The following JPH3 variants were observed in gnomAD, a reference collection of about 807,000 sequenced individuals.
The protein encoded by JPH3 is junctophilin-3.
JPH3 carries 11 observed loss-of-function variants against 59.6 expected under a neutral mutation model. That is an observed-to-expected ratio of 0.18 (90% confidence interval 0.12 to 0.31). JPH3 has a LOEUF of 0.31. Among genes scored for constraint, JPH3 ranks in the 10% least tolerant of loss-of-function variants. JPH3 has a pLI of 1.00. For missense variants in JPH3, 1,202 were observed against 1,105.7 expected (o/e 1.09, Z -1.24); for synonymous variants, 673 against 483.6 (o/e 1.39, Z -5.14).
intron 1 of JPH3, among the ~76,000 whole-genome samples, chr16:87,625,591 C>T (rs1399863002): frequency 6.6e-6 from 1 of 152,086 alleles, no homozygotes; most frequent in Non-Finnish European, 1.5e-5. Context: ...GAGGACTGGC[C>T]CCACCTGTTG....
chr16:87,602,899 A>T lies in JPH3; in HGVS notation c.-248A>T. On this transcript the variant is annotated 5_prime_UTR_variant, in exon 1 of 5. Transcript: ENST00000284262. Reference sequence around the variant, plus strand: ...CCCCCTCCCCTCCGGTCCTGTCTCCAGCGGGAGCGCGAGACGCTGGTCAGG... The same window carrying T: ...CCCCCTCCCCTCCGGTCCTGTCTCCTGCGGGAGCGCGAGACGCTGGTCAGG... 5.1e-6 allele frequency: 1 copy of T among 196,698 alleles called. No individual in the cohort carries two copies. The highest frequency in any genetic ancestry group is 8.8e-6 in the Non-Finnish European group (1 of 113,470). The allele number at this position is 196,698 out of a possible 1,614,324, so 12.2% of individuals were successfully genotyped here.
chr16:87,696,131 C>T (rs1406396817), intron 4 of JPH3: 1 of 458,402 alleles, frequency 2.2e-6, no homozygotes, highest in Non-Finnish European at 4.4e-6. Context: ...GGCCTCTCTG[C>T]TGGGCTGCAT....
At chr16:87,686,739 C>T (rs758647938) in intron 3 of JPH3, among the ~76,000 whole-genome samples, 1 of 152,208 alleles carries the variant, frequency 6.6e-6, no homozygotes, top group African/African-American at 2.4e-5. Context: ...TCCTGGAGGG[C>T]TCAGGTCCCT....
At chr16:87,604,968 A>G (rs754799826) in intron 1 of JPH3, 9 of 454,086 alleles carry the variant, frequency 2.0e-5, no homozygotes, top group Admixed American at 7.1e-5. Context: ...CCTTGGTTCC[A>G]GGCTGTGGGC....
chr16:87,629,777 C>T (rs1175260987), intron 1 of JPH3, among the ~76,000 whole-genome samples: 1 of 152,064 alleles, frequency 6.6e-6, no homozygotes, highest in Non-Finnish European at 1.5e-5. Context: ...TGTCCGGATG[C>T]CTTTGTGCAC....
intron 2 of JPH3, among the ~76,000 whole-genome samples, chr16:87,658,361 C>T (rs1224197401): frequency 3.3e-5 from 5 of 151,880 alleles, no homozygotes; most frequent in Admixed American, 1.3e-4. Context: ...TCCTTCTCCC[C>T]GCTTCTCCCC....
At chr16:87,628,969 A>G (rs1473098022) in intron 1 of JPH3, among the ~76,000 whole-genome samples, 2 of 152,066 alleles carry the variant, frequency 1.3e-5, no homozygotes, top group Admixed American at 1.3e-4. Flanking sequence ...AGCCAGAGTT[A>G]CTGGGTGTGG....
chr16:87,682,298 T>C (rs967772199), intron 2 of JPH3, among the ~76,000 whole-genome samples: 4 of 152,150 alleles, frequency 2.6e-5, no homozygotes, highest in African/African-American at 7.2e-5. Flanking sequence ...ATGAACAGTG[T>C]GTGGTTTCCA....
chr16:87,621,626 T>C (rs1244732181), intron 1 of JPH3, among the ~76,000 whole-genome samples: 1 of 152,098 alleles, frequency 6.6e-6, no homozygotes. Context: ...TCTCAGACGG[T>C]GGATGCAGGC....
At chr16:87,661,480 G>A (rs147678743) in intron 2 of JPH3, among the ~76,000 whole-genome samples, 5 of 152,220 alleles carry the variant, frequency 3.3e-5, no homozygotes, top group South Asian at 2.1e-4. Flanking sequence ...AAAGCCTCCC[G>A]CTCTGAGCAT....
chr16:87,647,972 T>G (rs2032208407), intron 2 of JPH3, among the ~76,000 whole-genome samples: 1 of 152,142 alleles, frequency 6.6e-6, no homozygotes, highest in Non-Finnish European at 1.5e-5. Context: ...TGGGCTGGGT[T>G]CCCTGCTGAA....
chr16:87,677,225 C>CACACACACACA (rs1271128667), intron 2 of JPH3, among the ~76,000 whole-genome samples: 80 of 81,718 alleles, frequency 9.8e-4, no homozygotes, highest in African/African-American at 3.4e-3. Context: ...CACACACACA[C>CACACACACACA]AAAAAAAAAA....
chr16:87,660,846 A>G (rs1254890733), intron 2 of JPH3, among the ~76,000 whole-genome samples: 1 of 152,166 alleles, frequency 6.6e-6, no homozygotes, highest in East Asian at 1.9e-4. Context: ...GCCATCCAGG[A>G]CACATCCAAG....
chr16:87,689,884 C>T lies in JPH3; in HGVS notation c.1524C>T (p.Asp508=), dbSNP rs1371795584. ...ACTTCTCGAGGCAGGTGTCGGTGGA[C>T]GAGGAGCGGGGCGGGGACATCCAGA... ...VAHFSRQVSV[D]EERGGDIQML... is the part of the protein sequence containing the mutation. The change falls in exon 4 of 5, where the codon GAC becomes GAT. Residue 508 remains aspartate, a synonymous_variant. Transcript: ENST00000284262. 3 of 1,482,626 alleles carry T rather than the reference C, an allele frequency of 2.0e-6. No individual in the cohort carries two copies. Among genetic ancestry groups the T allele is most frequent in the Non-Finnish European group, 1.8e-6 (2 of 1,116,360 alleles). The allele number at this position is 1,482,626 out of a possible 1,614,324, so 91.8% of individuals were successfully genotyped here.
chr16:87,662,928 C>G (rs966253050), intron 2 of JPH3, among the ~76,000 whole-genome samples: 2 of 152,206 alleles, frequency 1.3e-5, no homozygotes, highest in African/African-American at 2.4e-5. Flanking sequence ...TTCCAGCACC[C>G]CTTCGGGGCT....
chr16:87,622,960 G>A (rs765300801), intron 1 of JPH3, among the ~76,000 whole-genome samples: 2 of 152,260 alleles, frequency 1.3e-5, no homozygotes, highest in African/African-American at 2.4e-5. Flanking sequence ...TGCGATGGCC[G>A]CTACTACCTG....
chr16:87,664,056 G>T (rs533730742), intron 2 of JPH3, among the ~76,000 whole-genome samples: 1 of 152,354 alleles, frequency 6.6e-6, no homozygotes, highest in Admixed American at 6.5e-5. Flanking sequence ...GGCCAGCTGG[G>T]CGCGGTGGCT....
intron 1 of JPH3, among the ~76,000 whole-genome samples, chr16:87,623,334 C>T (rs78765787): frequency 0.025 from 3,732 of 152,278 alleles, 74 homozygotes; most frequent in Non-Finnish European, 0.037. Flanking sequence ...TCCTCCCTGG[C>T]TGGCTGCTCT....
intron 1 of JPH3, among the ~76,000 whole-genome samples, chr16:87,614,709 T>C (rs12917840): frequency 9.0e-5 from 9 of 100,506 alleles, no homozygotes; most frequent in African/African-American, 3.2e-4. Context: ...CGGGATAAAC[T>C]CTGGTCCCTG....
Sources: gnomAD v4.1 joint callset for allele counts (sites outside exome capture counted in the v4.1 genomes callset) on GRCh38, gnomAD v4.1.1 for gene constraint, MANE v1.5 for transcripts, NCBI Gene and HGNC (gene_info 2026-07-23, HGNC 2026-07-21) for gene names.